The following TUT7 variants were observed in gnomAD, a reference collection of about 807,000 sequenced individuals.
TUT7 encodes the protein terminal uridylyltransferase 7.
TUT7 carries 33 observed loss-of-function variants against 165.9 expected under a neutral mutation model. That is an observed-to-expected ratio of 0.20 (90% CI 0.15 to 0.27). The LOEUF is 0.27. TUT7 is among the 10% of genes least tolerant of loss of function. TUT7 has a pLI of 1.00. For synonymous variants in TUT7, 552 were observed against 608.1 expected (o/e 0.91, Z 1.36); for missense variants, 1,338 against 1,762.3 (o/e 0.76, Z 4.31).
chr9:86,339,622 A>G (rs1220771967), intron 8 of TUT7, among the ~76,000 whole-genome samples: 1 of 152,226 alleles, frequency 6.6e-6, no homozygotes, highest in Non-Finnish European at 1.5e-5. Flanking sequence ...ATTACAGCCT[A>G]TAAACCACCC....
Position 86,301,238 on chromosome 9 carries a change from T to C in TUT7, c.4420+38A>G, listed in dbSNP as rs1826862082. On this transcript the variant is annotated intron_variant, in intron 26 of 26. Transcript: ENST00000375963. ...TCTAAAAAGCAGATTTCCCTTGAGA[T>C]GTTAGAGCAAACATCAAGGTGTGAT... The C allele has an allele frequency of 5.2e-6, 8 of 1,550,066 alleles. No individual in the cohort carries two copies. In the East Asian group the frequency reaches 1.4e-4, roughly 26 times the overall value.
intron 11 of TUT7, among the ~76,000 whole-genome samples, chr9:86,326,142 A>G (rs1829773535): frequency 6.6e-6 from 1 of 152,222 alleles, no homozygotes; most frequent in Non-Finnish European, 1.5e-5. Context: ...ATGGGCCCAA[A>G]TAGAGATTCT....
intron 10 of TUT7, among the ~76,000 whole-genome samples, chr9:86,330,584 GT>G (rs2094118293): frequency 6.6e-6 from 1 of 152,192 alleles, no homozygotes; most frequent in African/African-American, 2.4e-5. Context: ...AAGAGCTGCA[GT>G]TTTAGAATTA....
chr9:86,322,248 T>C (rs1322955066), intron 14 of TUT7, 77 bp downstream of exon 14: 17 of 1,378,638 alleles, frequency 1.2e-5, no homozygotes, highest in Middle Eastern at 2.0e-4. Flanking sequence ...GAGACCTAAA[T>C]AGGATAGTGA....
chr9:86,300,977 T>G (rs1826835168), intron 26 of TUT7, among the ~76,000 whole-genome samples: 1 of 152,246 alleles, frequency 6.6e-6, no homozygotes, highest in Non-Finnish European at 1.5e-5. Flanking sequence ...GCAGCTTCTT[T>G]TCTGGTCACT....
chr9:86,353,242 T>C lies in TUT7; in HGVS notation c.-31-12A>G. The C allele has an allele frequency of 6.6e-7, 1 of 1,518,564 alleles. No individual in the cohort carries two copies. The highest frequency in any genetic ancestry group is 8.8e-7 in the Non-Finnish European group (1 of 1,139,400). The allele number at this position is 1,518,564 out of a possible 1,614,324, so 94.1% of individuals were successfully genotyped here. ...TTCTTACTTTGCACCTGAAAGAAGG[T>C]ATTTTGGGGAAATATCAAACTATAT... On this transcript the variant is annotated splice_polypyrimidine_tract_variant and intron_variant, in intron 1 of 26. Transcript: ENST00000375963.
Position 86,305,235 on chromosome 9 carries a change from G to A in TUT7, c.3843C>T (p.Pro1281=), listed in dbSNP as rs974505079. 1.9e-5 allele frequency: 30 copies of A among 1,596,790 alleles called. No homozygotes were observed. The highest frequency in any genetic ancestry group is 2.6e-5 in the Non-Finnish European group (30 of 1,174,034). Residue 1281 remains proline (P), a synonymous_variant, in exon 23 of 27, where the codon CCC becomes CCT. Coordinates refer to ENST00000375963, the MANE Select transcript of TUT7 (RefSeq NM_024617.4). ...CTCCAAGATTATGATTCAAATCAAA[G>A]GGATCTAAGCAAAAAAATTTAAGAG... ...WTSKYIVIED[P]FDLNHNLGAG...
intron 17 of TUT7, among the ~76,000 whole-genome samples, chr9:86,313,579 A>G (rs1282938503): frequency 4.6e-5 from 7 of 152,222 alleles, no homozygotes; most frequent in Non-Finnish European, 1.0e-4. Flanking sequence ...AGGAATATGC[A>G]GCTGGTAAAT....
chr9:86,321,926 T>C (rs1292152475), intron 14 of TUT7, among the ~76,000 whole-genome samples: 1 of 151,740 alleles, frequency 6.6e-6, no homozygotes, highest in Non-Finnish European at 1.5e-5. Context: ...TAATGAAAAA[T>C]TTAGTCAGGC....
intron 2 of TUT7, among the ~76,000 whole-genome samples, chr9:86,346,766 G>A (rs1831806917): frequency 6.6e-6 from 1 of 152,068 alleles, no homozygotes; most frequent in African/African-American, 2.4e-5. Context: ...ATACTGCTGA[G>A]CATAGCAAAG....
chr9:86,305,352 T>G, intron 22 of TUT7, 113 bp from the exon 23 acceptor site: 1 of 691,276 alleles, frequency 1.4e-6, no homozygotes, highest in Non-Finnish European at 2.3e-6. Context: ...TTGCTTATCA[T>G]TAATAAGTTT....
intron 26 of TUT7, among the ~76,000 whole-genome samples, chr9:86,289,541 G>A (rs1209722168): frequency 1.5e-5 from 2 of 137,622 alleles, no homozygotes; most frequent in Admixed American, 1.4e-4. Flanking sequence ...GTAACTATAA[G>A]AAAGTCAGAG....
rs773250617 is a variant in TUT7, at chr9:86,323,100, T to G, written c.2650A>C (p.Thr884Pro). 1 of 1,614,196 alleles carries G rather than the reference T, an allele frequency of 6.2e-7. No individual in the cohort carries two copies. Among genetic ancestry groups the G allele is most frequent in the South Asian group, 1.1e-5 (1 of 91,084 alleles). ...AGGGCGTCCTCATCCCCTGACCCAG[T>G]GTAGGTGTTGTCTAACTCATCTTCA... Reference protein sequence around the residue: ...ANEDELDNTYTGSGDEDALSE... With the variant: ...ANEDELDNTYPGSGDEDALSE... Residue 884 changes from threonine to proline, a missense_variant, in exon 13 of 27, where the codon ACT becomes CCT. Physicochemically the swap from Thr to Pro is conservative, Grantham distance 38. Transcript: ENST00000375963.
intron 26 of TUT7, among the ~76,000 whole-genome samples, chr9:86,298,555 A>G (rs1826569474): frequency 2.0e-5 from 3 of 152,202 alleles, no homozygotes. Flanking sequence ...GGAATTTACA[A>G]AACACACAGG....
Position 86,317,147 on chromosome 9 carries a change from T to G in TUT7, c.3274+72A>C. On this transcript the variant is annotated intron_variant, in intron 17 of 26. Transcript: ENST00000375963. Reference sequence around the variant, plus strand: ...GGGCCTGGAACAAATACCCCATGGATACCAAGGGAAGACTATAGAAAACAC... The same window carrying G: ...GGGCCTGGAACAAATACCCCATGGAGACCAAGGGAAGACTATAGAAAACAC... 9.0e-6 allele frequency: 12 copies of G among 1,330,842 alleles called. No individual in the cohort carries two copies. The African/African-American group carries it at 1.4e-4, about 16-fold the overall frequency. 82.4% of individuals were successfully genotyped at this position (1,330,842 alleles called of 1,614,324 possible).
rs761214220 is a variant in TUT7 at position 86,338,835 on chromosome 9, C to T, written c.1323G>A (p.Arg441=). 4 of 1,607,576 alleles carry T rather than the reference C, an allele frequency of 2.5e-6. No homozygotes were observed. The highest frequency in any genetic ancestry group is 1.7e-6 in the Non-Finnish European group (2 of 1,176,912). Residue 441 remains arginine (R), a synonymous_variant, in exon 9 of 27, where the codon AGG becomes AGA. Transcript: ENST00000375963. The part of the protein sequence containing the change: ...PKLVPLVIAF[R]YWAKLCSIDR... ...ACCTCAAGCCTACCTTTGCCCAGTA[C>T]CTAAATGCAATCACCAAAGGAACCA... is the stretch of plus-strand genomic sequence containing the variant.
At chr9:86,308,881 G>C (rs533321171) in intron 21 of TUT7, among the ~76,000 whole-genome samples, 37 of 152,258 alleles carry the variant, frequency 2.4e-4, no homozygotes, top group African/African-American at 8.7e-4. Context: ...TTGGTAATAC[G>C]TAGGTTATTA....
At chr9:86,306,523 C>T (rs1258577320) in intron 22 of TUT7, among the ~76,000 whole-genome samples, 1 of 152,214 alleles carries the variant, frequency 6.6e-6, no homozygotes, top group African/African-American at 2.4e-5. Flanking sequence ...GAAACTACTA[C>T]TGGCTGGGTG....
intron 8 of TUT7, among the ~76,000 whole-genome samples, chr9:86,339,232 A>G (rs1421092468): frequency 6.6e-6 from 1 of 152,222 alleles, no homozygotes; most frequent in Non-Finnish European, 1.5e-5. Context: ...GGAAAATATT[A>G]TCAAATGTTT....
Sources: allele counts gnomAD v4.1 joint callset (sites outside exome capture counted in the v4.1 genomes callset), GRCh38; gene constraint gnomAD v4.1.1; transcripts MANE v1.5; gene names NCBI Gene and HGNC (gene_info 2026-07-23, HGNC 2026-07-21).